Variants in ABCB5 observed in about 807,000 individuals in gnomAD.
ABCB5 encodes the protein ATP binding cassette subfamily B member 5, also known as ATP-binding cassette sub-family B member 5.
ABCB5 carries 155 observed loss-of-function variants against 144.2 expected under a neutral mutation model. That is an observed-to-expected ratio of 1.08 (90% CI 0.94 to 1.23). The LOEUF is 1.23. Among genes scored for constraint, ABCB5 ranks in the 50% most tolerant of loss-of-function variants. The pLI, the probability that ABCB5 is intolerant of heterozygous loss-of-function variation, is 0.00. For missense variants in ABCB5, 1,830 were observed against 1,520.8 expected, an observed-to-expected ratio of 1.20 and a Z score of -3.38; for synonymous variants, 610 against 528.6, an observed-to-expected ratio of 1.15 and a Z score of -2.11.
At chr7:20,664,750 T>G (rs1318480972) in intron 14 of ABCB5, among the ~76,000 whole-genome samples, 4 of 152,180 alleles carry the variant, frequency 2.6e-5, no homozygotes, top group African/African-American at 9.7e-5. Flanking sequence ...TCATTTATTT[T>G]TTATTGTAAA....
Position 20,755,629 on chromosome 7 carries a change from G to C in ABCB5, c.*5G>C, listed in dbSNP as rs1269753671. 9.9e-6 allele frequency: 16 copies of C among 1,613,284 alleles called. No homozygotes were observed. Among genetic ancestry groups the C allele is most frequent in the African/African-American group, 5.3e-5 (4 of 74,928 alleles). On this transcript the variant is annotated 3_prime_UTR_variant, in exon 28 of 28. Coordinates refer to ENST00000404938, the MANE Select transcript of ABCB5 (RefSeq NM_001163941.2). ...AATGCACAGTCAGTGCAGTGATGCT[G>C]TTGAGGTAGCACATATTTTGATGTT...
chr7:20,752,708 A>C (rs1474489316), intron 26 of ABCB5, among the ~76,000 whole-genome samples: 1 of 152,140 alleles, frequency 6.6e-6, no homozygotes, highest in South Asian at 2.1e-4. Context: ...TTAGCCAGGC[A>C]TGGTGGTGGG....
intron 23 of ABCB5, among the ~76,000 whole-genome samples, chr7:20,731,467 A>G (rs911304186): frequency 6.6e-6 from 1 of 151,458 alleles, no homozygotes; most frequent in African/African-American, 2.4e-5. Flanking sequence ...CCTTTCATCT[A>G]TTACACTTTC....
In ABCB5 at chr7:20,681,502, T is replaced by G. The variant is rs373383921; in HGVS notation, c.1708-3T>G. ...TTTATTTTCTATGCATTTTATTCTG[T>G]AGGCGAGCAAAGGTCGGACTACAAT... On this transcript the variant is annotated splice_region_variant and splice_polypyrimidine_tract_variant and intron_variant, in intron 14 of 27. Coordinates refer to ENST00000404938, the MANE Select transcript of ABCB5 (RefSeq NM_001163941.2). 9.3e-6 allele frequency: 15 copies of G among 1,613,958 alleles called. No individual in the cohort carries two copies. The highest frequency in any genetic ancestry group is 1.3e-5 in the Non-Finnish European group (15 of 1,179,904).
intron 5 of ABCB5, among the ~76,000 whole-genome samples, 188 bp from the exon 6 acceptor site, chr7:20,642,996 C>A (rs557132411): frequency 6.6e-6 from 1 of 152,320 alleles, no homozygotes; most frequent in Non-Finnish European, 1.5e-5. Context: ...AAAAGATACA[C>A]TCTATGTTTT....
chr7:20,659,972 C>G, intron 14 of ABCB5: 1 of 985,508 alleles, frequency 1.0e-6, no homozygotes, highest in Non-Finnish European at 1.2e-6. Context: ...GTGTGCGTCT[C>G]CGCGCCCGGC....
At chr7:20,626,532 T>C (rs771442695) in intron 2 of ABCB5, 25 bp from the exon 3 acceptor site, 2 of 1,593,500 alleles carry the variant, frequency 1.3e-6, no homozygotes, top group East Asian at 2.3e-5. Flanking sequence ...TTGTAACTGC[T>C]GCATTTTGAA....
At chr7:20,668,645 A>T (rs1288401227) in intron 14 of ABCB5, among the ~76,000 whole-genome samples, 1 of 97,138 alleles carries the variant, frequency 1.0e-5, no homozygotes, top group Non-Finnish European at 2.0e-5. Flanking sequence ...GAGGTGAGGG[A>T]CTCCTCTGCC....
At chr7:20,633,910 G>T (rs946737260) in intron 5 of ABCB5, among the ~76,000 whole-genome samples, 2 of 152,022 alleles carry the variant, frequency 1.3e-5, no homozygotes, top group African/African-American at 4.8e-5. Context: ...AAGGGCAGTT[G>T]TGTTACATGG....
At position 20,753,478 on chromosome 7, in the gene ABCB5, C is replaced by T; in HGVS notation, c.3548C>T (p.Thr1183Ile). Reference sequence around the variant, plus strand: ...AAAATTTTATTGTTGGATGAGGCCACTTCAGCCCTCGATAATGACAGTGAG... The same window carrying T: ...AAAATTTTATTGTTGGATGAGGCCATTTCAGCCCTCGATAATGACAGTGAG... The part of the protein sequence containing the change: ...KPKILLLDEA[T>I]SALDNDSEKV... The change falls in exon 27 of 28, where the codon ACT becomes ATT. Residue 1183 changes from threonine (T) to isoleucine (I), a missense_variant. By Grantham distance (89) the Thr-to-Ile change is moderately conservative (BLOSUM62 -1). Transcript: ENST00000404938. 1.2e-6 allele frequency: 2 copies of T among 1,613,838 alleles called. No individual in the cohort carries two copies. The highest frequency in any genetic ancestry group is 1.7e-6 in the Non-Finnish European group (2 of 1,179,882).
At chr7:20,716,520 A>G (rs1249090728) in intron 20 of ABCB5, among the ~76,000 whole-genome samples, 2 of 151,960 alleles carry the variant, frequency 1.3e-5, no homozygotes, top group Admixed American at 6.6e-5. Context: ...TTTTTATTGT[A>G]CCCCAGATTT....
intron 23 of ABCB5, among the ~76,000 whole-genome samples, chr7:20,737,317 C>T (rs543593010): frequency 7.2e-5 from 11 of 152,272 alleles, no homozygotes; most frequent in East Asian, 3.9e-4. Flanking sequence ...TCATTAAAGA[C>T]GGTATCAGGG....
chr7:20,635,574 G>T (rs1254255795), intron 5 of ABCB5, among the ~76,000 whole-genome samples: 1 of 151,836 alleles, frequency 6.6e-6, no homozygotes, highest in Non-Finnish European at 1.5e-5. Context: ...TGTATCATCT[G>T]CAATTCCTCT....
At chr7:20,680,493 C>G (rs1339413020) in intron 14 of ABCB5, among the ~76,000 whole-genome samples, 3 of 151,690 alleles carry the variant, frequency 2.0e-5, no homozygotes, top group Admixed American at 1.3e-4. Context: ...TGGCGTGAAC[C>G]CGGGAGACGG....
chr7:20,753,945 G>A (rs1361296583), intron 27 of ABCB5, among the ~76,000 whole-genome samples: 1 of 152,210 alleles, frequency 6.6e-6, no homozygotes, highest in African/African-American at 2.4e-5. Context: ...AGCCTAGTTT[G>A]AGCGGGAAAC....
At chr7:20,696,986 G>C (rs921760122) in intron 16 of ABCB5, among the ~76,000 whole-genome samples, 35 of 152,246 alleles carry the variant, frequency 2.3e-4, no homozygotes, top group African/African-American at 8.2e-4. Context: ...CCTGGCACAT[G>C]TTAAACCTTA....
Position 20,727,051 on chromosome 7 carries a change from A to C in ABCB5, c.2637A>C (p.Glu879Asp), listed in dbSNP as rs141788929. 2 of 1,610,546 alleles carry C rather than the reference A, an allele frequency of 1.2e-6. No homozygotes were observed. Among genetic ancestry groups the C allele is most frequent in the Non-Finnish European group, 1.7e-6 (2 of 1,178,372 alleles). Reference protein sequence around the residue: ...ELKHAGKIATEALENIRTIVS... With the variant: ...ELKHAGKIATDALENIRTIVS... Reference sequence around the variant, plus strand: ...TCCTGTTTTATAAGATAGCAACTGAAGCTTTGGAGAATATACGTACTATAG... The same window carrying C: ...TCCTGTTTTATAAGATAGCAACTGACGCTTTGGAGAATATACGTACTATAG... The change falls in exon 22 of 28, where the codon GAA becomes GAC. Residue 879 changes from glutamate (E) to aspartate (D), a missense_variant. Physicochemically the swap from Glu to Asp is conservative, Grantham distance 45 (BLOSUM62 2). Transcript: ENST00000404938.
chr7:20,726,048 C>T (rs993892555), intron 21 of ABCB5, among the ~76,000 whole-genome samples: 4 of 152,200 alleles, frequency 2.6e-5, no homozygotes, highest in African/African-American at 9.7e-5. Flanking sequence ...CAGGAAGTTT[C>T]TCTTTCAAGC....
intron 14 of ABCB5, among the ~76,000 whole-genome samples, chr7:20,680,864 T>C (rs189021630): frequency 6.6e-6 from 1 of 152,254 alleles, no homozygotes; most frequent in Non-Finnish European, 1.5e-5. Flanking sequence ...ATTGGCCTTC[T>C]TATTCTATTA....
Sources: allele counts gnomAD v4.1 joint callset (sites outside exome capture counted in the v4.1 genomes callset), GRCh38; gene constraint gnomAD v4.1.1; transcripts MANE v1.5; gene names NCBI Gene and HGNC (gene_info 2026-07-23, HGNC 2026-07-21).